Variants in PFKFB4 observed in about 807,000 individuals in gnomAD.
PFKFB4 encodes the protein 6-phosphofructo-2-kinase/fructose-2,6-biphosphatase 4.
A neutral mutation model predicts 62.8 loss-of-function variants in PFKFB4; 42 were observed. That is an observed-to-expected ratio of 0.67 (90% CI 0.52 to 0.86). PFKFB4 has a LOEUF of 0.86. Among genes scored for constraint, PFKFB4 ranks in the 40% least tolerant of loss-of-function variants. PFKFB4 has a pLI of 0.00. For missense variants in PFKFB4, 475 were observed against 627.2 expected (o/e 0.76, Z 2.59); for synonymous variants, 204 against 240.7 (o/e 0.85, Z 1.41).
In PFKFB4 at chr3:48,538,585, C is replaced by A. The variant is rs1310787200; in HGVS notation, c.545G>T (p.Arg182Leu). The A allele has an allele frequency of 6.2e-7, 1 of 1,614,186 alleles. No homozygotes were observed. The highest frequency in any genetic ancestry group is 8.5e-7 in the Non-Finnish European group (1 of 1,180,040). ...VKLGSPDYVN[R>L]DSDEATEDFM... ...GTCCTCCGTAGCCTCATCACTGTCG[C>A]GGTTGACATAGTCAGGGCTGCCCAG... Residue 182 changes from arginine to leucine, a missense_variant, in exon 7 of 14, where the codon CGC becomes CTC. Transcript: ENST00000232375.
At chr3:48,549,227 T>A (rs897836509) in intron 3 of PFKFB4, among the ~76,000 whole-genome samples, 5 of 152,148 alleles carry the variant, frequency 3.3e-5, no homozygotes, top group Non-Finnish European at 7.4e-5. Context: ...ATATACATAT[T>A]TCTATCTCCA....
chr3:48,552,608 G>A (rs946277669), intron 1 of PFKFB4, among the ~76,000 whole-genome samples: 3 of 152,196 alleles, frequency 2.0e-5, no homozygotes, highest in Admixed American at 6.5e-5. Flanking sequence ...CATAGTTCCC[G>A]GCCAGGTGGC....
chr3:48,520,365 G>A (rs533088624), intron 13 of PFKFB4, among the ~76,000 whole-genome samples: 2 of 152,312 alleles, frequency 1.3e-5, no homozygotes, highest in African/African-American at 2.4e-5. Flanking sequence ...TCCTTGGCCT[G>A]TCGGGCTCAG....
intron 1 of PFKFB4, among the ~76,000 whole-genome samples, chr3:48,555,637 G>A (rs1046374158): frequency 7.2e-5 from 11 of 152,118 alleles, no homozygotes; most frequent in African/African-American, 2.7e-4. Context: ...ACCCACGCCT[G>A]TAATCTCAAC....
At chr3:48,526,756 T>C (rs2042273594) in intron 9 of PFKFB4, among the ~76,000 whole-genome samples, 2 of 150,370 alleles carry the variant, frequency 1.3e-5, no homozygotes, top group South Asian at 4.2e-4. Context: ...CTGGCCAATA[T>C]GGTGAAACCC....
At chr3:48,526,811 C>T (rs886122440) in intron 9 of PFKFB4, among the ~76,000 whole-genome samples, 3 of 151,758 alleles carry the variant, frequency 2.0e-5, no homozygotes, top group Non-Finnish European at 4.4e-5. Context: ...CGTGGTGGCT[C>T]ACGCCTGTAG....
At chr3:48,558,468 T>C (rs2043383297), upstream of PFKFB4, among the ~76,000 whole-genome samples, 1 of 152,242 alleles carries the variant, frequency 6.6e-6, no homozygotes, top group African/African-American at 2.4e-5. Context: ...CCTCGTGGGC[T>C]ATAGGTGTAG....
chr3:48,555,861 G>A (rs1202174295), intron 1 of PFKFB4, among the ~76,000 whole-genome samples: 2 of 151,680 alleles, frequency 1.3e-5, no homozygotes. Flanking sequence ...CTATGATCGC[G>A]CCACTGCACT....
chr3:48,561,876 G>C (rs1159981334), upstream of PFKFB4: 1 of 152,292 alleles, frequency 6.6e-6, no homozygotes, highest in Non-Finnish European at 1.5e-5. This position sits in a 1 kb window ranked among gnomAD's most constrained non-coding sequence, Gnocchi z 5.2. Flanking sequence ...CTTTGCCCAG[G>C]ACAGTCCGTG....
At chr3:48,525,522 GC>G in intron 10 of PFKFB4, 42 bp downstream of exon 10, 1 of 1,058,826 alleles carries the variant, frequency 9.4e-7, no homozygotes, top group East Asian at 2.7e-5. Flanking sequence ...GTACTCCCAG[GC>G]GGGCAGTAGG....
In PFKFB4 at chr3:48,538,558, A is replaced by C; in HGVS notation, c.572T>G (p.Phe191Cys). Residue 191 changes from phenylalanine (F) to cysteine (C), a missense_variant, in exon 7 of 14, where the codon TTC (phenylalanine) becomes TGC (cysteine). Coordinates refer to ENST00000232375, the MANE Select transcript of PFKFB4 (RefSeq NM_004567.4). ...NRDSDEATED[F>C]MRRIECYENS... ...CTCATAGCACTCAATGCGCCTCATG[A>C]AGTCCTCCGTAGCCTCATCACTGTC... 6.2e-7 allele frequency: 1 copy of C among 1,614,172 alleles called. No individual in the cohort carries two copies. Among genetic ancestry groups the C allele is most frequent in the South Asian group, 1.1e-5 (1 of 91,086 alleles).
intron 4 of PFKFB4, among the ~76,000 whole-genome samples, chr3:48,543,027 G>T (rs1233051698): frequency 6.6e-6 from 1 of 152,150 alleles, no homozygotes; most frequent in Non-Finnish European, 1.5e-5. Context: ...TTGTAGCTGG[G>T]GACAGAGAAC....
upstream of PFKFB4, chr3:48,562,666 A>C: frequency 1.0e-6 from 1 of 972,528 alleles, no homozygotes; most frequent in Non-Finnish European, 1.5e-6. The surrounding 1 kb of genome is among the most constrained non-coding windows in gnomAD (Gnocchi z 4.3). Context: ...CTGTATGCCC[A>C]GATGTGGCAG....
upstream of PFKFB4, among the ~76,000 whole-genome samples, chr3:48,557,333 T>A (rs939350107): frequency 1.3e-5 from 2 of 152,212 alleles, no homozygotes; most frequent in African/African-American, 4.8e-5. Context: ...CCAGTAGGCC[T>A]GCAGTCCCAG....
intron 8 of PFKFB4, 79 bp downstream of exon 8, chr3:48,536,177 G>T (rs958396053): frequency 8.4e-7 from 1 of 1,191,902 alleles, no homozygotes; most frequent in African/African-American, 1.5e-5. Context: ...TAGCCCCAGC[G>T]CACTCACACA....
chr3:48,562,520 G>A (rs1680412729), upstream of PFKFB4: 1 of 527,434 alleles, frequency 1.9e-6, no homozygotes, highest in Non-Finnish European at 3.3e-6. This position sits in a 1 kb window ranked among gnomAD's most constrained non-coding sequence, Gnocchi z 4.3. Context: ...ACACAGGCAT[G>A]GCAAGACTCC....
intron 9 of PFKFB4, among the ~76,000 whole-genome samples, chr3:48,527,286 T>G (rs1032785402): frequency 6.7e-6 from 1 of 150,166 alleles, no homozygotes; most frequent in African/African-American, 2.5e-5. Context: ...TTTAGTGGTT[T>G]TTTTTTTTTT....
rs1324911088 is a variant in PFKFB4 at position 48,518,007 on chromosome 3, C to T, written c.*1740G>A. On this transcript the variant is annotated 3_prime_UTR_variant, in exon 14 of 14. Transcript: ENST00000232375. The stretch of plus-strand genomic sequence containing the variant: ...AGAGAAAAGGCCTCGGTGGTCTCAC[C>T]TCAGATGACATCCAGAGGTACATGC... 1 of 152,250 alleles carries T rather than the reference C, an allele frequency of 6.6e-6. No homozygotes were observed. Among genetic ancestry groups the T allele is most frequent in the African/African-American group, 2.4e-5 (1 of 41,448 alleles). 9.4% of individuals were successfully genotyped at this position (152,250 alleles called of 1,614,324 possible).
chr3:48,539,580 C>T (rs2042738679), intron 5 of PFKFB4, 117 bp downstream of exon 5: 1 of 912,992 alleles, frequency 1.1e-6, no homozygotes, highest in South Asian at 1.4e-5. Context: ...TCCCAAATTA[C>T]ACTCAGGAGC....
Sources: gnomAD v4.1 joint callset for allele counts (sites outside exome capture counted in the v4.1 genomes callset) on GRCh38, gnomAD v4.1.1 for gene constraint, Gnocchi (gnomAD v3.1) non-coding constraint, MANE v1.5 for transcripts, NCBI Gene and HGNC (gene_info 2026-07-23, HGNC 2026-07-21) for gene names.